COP1: variants seen among roughly 807,000 people sequenced by gnomAD.
The protein encoded by COP1 is COP1 E3 ubiquitin ligase.
A neutral mutation model predicts 101.3 loss-of-function variants in COP1; 24 were observed. The ratio of observed to expected loss-of-function variants is 0.24; its 90% CI spans 0.17 to 0.33. The LOEUF (loss-of-function observed/expected upper bound fraction) is 0.33, where lower values mean the gene tolerates loss of function less well. Ranked by LOEUF, COP1 falls within the 10% of genes least tolerant of loss-of-function variation. The pLI is 1.00. For synonymous variants in COP1, 347 were observed against 341.9 expected (o/e 1.01, Z -0.17); for missense variants, 663 against 906.2 (o/e 0.73, Z 3.45).
chr1:176,026,765 AT>A (rs892346183), intron 15 of COP1, among the ~76,000 whole-genome samples: 7 of 151,016 alleles, frequency 4.6e-5, no homozygotes, highest in Admixed American at 1.3e-4. Context: ...GCTAACTTGT[AT>A]TTTTTTTTGT....
At chr1:176,004,575 T>C (rs1300191701) in intron 15 of COP1, among the ~76,000 whole-genome samples, 9 of 152,296 alleles carry the variant, frequency 5.9e-5, no homozygotes, top group Non-Finnish European at 1.2e-4. Context: ...TTGTTGCATT[T>C]TGTTGAAGGC....
chr1:176,042,268 C>CT (rs1670708345), intron 14 of COP1, among the ~76,000 whole-genome samples: 1 of 40,230 alleles, frequency 2.5e-5, no homozygotes, highest in Non-Finnish European at 5.6e-5. Context: ...GAAACTCTAT[C>CT]TCAAAAAAAA....
intron 18 of COP1, among the ~76,000 whole-genome samples, chr1:175,960,950 T>C (rs1458613595): frequency 2.0e-5 from 3 of 152,178 alleles, no homozygotes; most frequent in East Asian, 1.9e-4. Context: ...TCAATGTGGA[T>C]AGGCACCATC....
intron 2 of COP1, among the ~76,000 whole-genome samples, chr1:176,178,043 G>C (rs894503102): frequency 6.6e-6 from 1 of 152,118 alleles, no homozygotes; most frequent in Non-Finnish European, 1.5e-5. Flanking sequence ...TTGCAACTCT[G>C]ACAAGGCTAG....
chr1:176,161,708 A>G (rs1271231896), intron 5 of COP1, among the ~76,000 whole-genome samples: 4 of 152,218 alleles, frequency 2.6e-5, no homozygotes, highest in Admixed American at 2.0e-4. Flanking sequence ...TAGCTTGTCC[A>G]CAGACCTTAA....
chr1:176,188,176 G>A (rs1698705379), intron 1 of COP1, among the ~76,000 whole-genome samples: 1 of 152,006 alleles, frequency 6.6e-6, no homozygotes, highest in African/African-American at 2.4e-5. Context: ...CTATTTTATG[G>A]CATTTTGTTA....
chr1:176,103,901 A>G (rs1307314898), intron 9 of COP1, among the ~76,000 whole-genome samples: 1 of 152,190 alleles, frequency 6.6e-6, no homozygotes, highest in Non-Finnish European at 1.5e-5. Flanking sequence ...AATACCAAGA[A>G]GCTTTTTTAG....
At chr1:176,107,357 G>C (rs573908372) in intron 9 of COP1, among the ~76,000 whole-genome samples, 1 of 152,166 alleles carries the variant, frequency 6.6e-6, no homozygotes, top group Non-Finnish European at 1.5e-5. Context: ...TTGGATACAA[G>C]ACTATTCCAG....
intron 18 of COP1, among the ~76,000 whole-genome samples, chr1:175,974,516 G>A (rs913788102): frequency 3.9e-5 from 6 of 152,102 alleles, no homozygotes; most frequent in East Asian, 1.9e-4. Context: ...ACTCAGGTAC[G>A]ACACTCAGTT....
chr1:176,142,066 A>G (rs1243256809), intron 6 of COP1, among the ~76,000 whole-genome samples: 1 of 152,142 alleles, frequency 6.6e-6, no homozygotes, highest in African/African-American at 2.4e-5. Flanking sequence ...AAACAGAAAA[A>G]GCAAGAACAA....
chr1:176,062,816 A>C (rs1675117979), intron 11 of COP1, among the ~76,000 whole-genome samples: 1 of 152,196 alleles, frequency 6.6e-6, no homozygotes, highest in South Asian at 2.1e-4. Flanking sequence ...ACTACTCAAT[A>C]AGTAAATAAA....
At chr1:176,195,579 G>T (rs1294005939) in intron 1 of COP1, among the ~76,000 whole-genome samples, 1 of 152,070 alleles carries the variant, frequency 6.6e-6, no homozygotes, top group Admixed American at 6.6e-5. Flanking sequence ...ACCATGAAAC[G>T]AGTCTCTATA....
intron 8 of COP1, among the ~76,000 whole-genome samples, chr1:176,129,168 C>T (rs769779617): frequency 1.3e-5 from 2 of 151,774 alleles, no homozygotes; most frequent in African/African-American, 2.4e-5. Flanking sequence ...CACTATCCTA[C>T]ATATATATTT....
At chr1:176,002,750 C>A (rs976525990) in intron 15 of COP1, among the ~76,000 whole-genome samples, 3 of 145,636 alleles carry the variant, frequency 2.1e-5, no homozygotes, top group Admixed American at 6.9e-5. Flanking sequence ...TTAATCCAGT[C>A]TATCATTGTT....
At chr1:176,094,096 GAAT>G (rs1213442178) in intron 9 of COP1, among the ~76,000 whole-genome samples, 2 of 151,714 alleles carry the variant, frequency 1.3e-5, no homozygotes, top group African/African-American at 4.8e-5. Context: ...TGAAAGATGA[GAAT>G]AATTAACAAT....
intron 2 of COP1, among the ~76,000 whole-genome samples, chr1:176,180,539 A>C (rs897853031): frequency 2.0e-5 from 3 of 152,224 alleles, no homozygotes; most frequent in Non-Finnish European, 4.4e-5. Flanking sequence ...ACTCTTAAAA[A>C]TAATTATTTT....
intron 15 of COP1, among the ~76,000 whole-genome samples, chr1:176,016,519 A>G (rs963769106): frequency 1.3e-5 from 2 of 152,192 alleles, no homozygotes; most frequent in Admixed American, 6.5e-5. Context: ...CTTCAGAGGA[A>G]TGAGAAGCTG....
At chr1:176,016,757 G>GT (rs1665730287) in intron 15 of COP1, among the ~76,000 whole-genome samples, 1 of 151,662 alleles carries the variant, frequency 6.6e-6, no homozygotes, top group African/African-American at 2.4e-5. Flanking sequence ...AAAATTACAG[G>GT]TAAGTATCAA....
chr1:175,995,840 C>A (rs1262464064), intron 15 of COP1, among the ~76,000 whole-genome samples: 2 of 152,200 alleles, frequency 1.3e-5, no homozygotes, highest in Admixed American at 1.3e-4. Context: ...TGGTATCATT[C>A]CTTCTGAAAC....
Sources: gnomAD v4.1 joint callset for allele counts (sites outside exome capture counted in the v4.1 genomes callset) on GRCh38, gnomAD v4.1.1 for gene constraint, MANE v1.5 for transcripts, NCBI Gene and HGNC (gene_info 2026-07-23, HGNC 2026-07-21) for gene names.